Variants in ADGRL3 observed in about 807,000 individuals in gnomAD.
ADGRL3 encodes adhesion G protein-coupled receptor L3, also known as calcium-independent alpha-latrotoxin receptor 3.
ADGRL3 carries 62 observed loss-of-function variants against 153.5 expected under a neutral mutation model. That is an observed-to-expected ratio of 0.40 (90% CI 0.33 to 0.50). ADGRL3 has a LOEUF of 0.50. Among genes scored for constraint, ADGRL3 ranks in the 20% least tolerant of loss-of-function variants. The probability of loss-of-function intolerance (pLI) is 0.47; values close to 1 mark genes in which losing one functional copy is unlikely to be tolerated. For missense variants in ADGRL3, 1,641 were observed against 1,859.4 expected, an observed-to-expected ratio of 0.88 and a Z score of 2.16; for synonymous variants, 710 against 672.5, an observed-to-expected ratio of 1.06 and a Z score of -0.86.
intron 6 of ADGRL3, among the ~76,000 whole-genome samples, chr4:61,699,209 T>C (rs915196269): frequency 3.3e-5 from 5 of 152,112 alleles, no homozygotes; most frequent in Admixed American, 6.6e-5. Flanking sequence ...AAAAGTGATT[T>C]TGAGAGTGCA....
At chr4:61,532,535 C>A (rs1178976339) in intron 4 of ADGRL3, among the ~76,000 whole-genome samples, 1 of 127,354 alleles carries the variant, frequency 7.9e-6, no homozygotes, top group African/African-American at 3.4e-5. Flanking sequence ...GCTGCATGCG[C>A]GCGCGCGCGC....
At chr4:61,788,085 C>G (rs1282597139) in intron 8 of ADGRL3, among the ~76,000 whole-genome samples, 1 of 152,104 alleles carries the variant, frequency 6.6e-6, no homozygotes, top group East Asian at 1.9e-4. Context: ...GGGAATTGTG[C>G]TGCTATAACC....
intron 21 of ADGRL3, among the ~76,000 whole-genome samples, chr4:62,010,871 T>A (rs557423052): frequency 1.2e-3 from 190 of 152,266 alleles, no homozygotes; most frequent in African/African-American, 4.4e-3. Context: ...TTAACTTTTT[T>A]ATTCACTTTT....
At chr4:61,350,808 C>CCGGCTGTT in intron 1 of ADGRL3, among the ~76,000 whole-genome samples, 1 of 152,094 alleles carries the variant, frequency 6.6e-6, no homozygotes. Context: ...GCTCCTTGAG[C>CCGGCTGTT]CGGCTGTTTT....
chr4:61,399,138 A>C (rs1348343544), intron 2 of ADGRL3, among the ~76,000 whole-genome samples: 1 of 151,766 alleles, frequency 6.6e-6, no homozygotes, highest in Non-Finnish European at 1.5e-5. Flanking sequence ...ATCAGACGTT[A>C]CTAAAATTAT....
rs867158951 is a variant in ADGRL3, at chr4:61,644,857, G to A, written c.474-31969G>A. ...GGTATCCTTGTTGACTTTCTGTCTC[G>A]TTGATCTGTCTAATGTTGACAGTGG... On this transcript the variant is annotated intron_variant, in intron 5 of 26. Transcript: ENST00000683033. Among the ~76,000 whole-genome samples, 9 of 151,966 alleles carry A rather than the reference G, an allele frequency of 5.9e-5. No individual in the cohort carries two copies. In the South Asian group the frequency reaches 1.0e-3, roughly 18 times the overall value.
At chr4:61,634,710 T>TA (rs1377255901) in intron 5 of ADGRL3, among the ~76,000 whole-genome samples, 1 of 152,146 alleles carries the variant, frequency 6.6e-6, no homozygotes, top group Admixed American at 6.5e-5. Context: ...TAGAAAGTTA[T>TA]AAAAAGTGAA....
intron 1 of ADGRL3, among the ~76,000 whole-genome samples, chr4:61,329,327 G>A (rs1326004495): frequency 6.6e-6 from 1 of 152,046 alleles, no homozygotes. Flanking sequence ...ATTATTTCTT[G>A]TACTTACTCT....
At chr4:61,792,212 G>C (rs929682280) in intron 8 of ADGRL3, among the ~76,000 whole-genome samples, 1 of 126,876 alleles carries the variant, frequency 7.9e-6, no homozygotes, top group African/African-American at 3.0e-5. Flanking sequence ...TTTAATGCTT[G>C]GTTGCTTAGA....
intron 19 of ADGRL3, 100 bp downstream of exon 19, chr4:61,983,703 T>C (rs1301126449): frequency 9.7e-7 from 1 of 1,030,654 alleles, no homozygotes; most frequent in Non-Finnish European, 1.4e-6. Context: ...GTGAAGAAAC[T>C]GGGCAGCAAA....
chr4:61,849,901 T>A (rs1648168683), intron 9 of ADGRL3, among the ~76,000 whole-genome samples: 2 of 152,144 alleles, frequency 1.3e-5, no homozygotes, highest in Non-Finnish European at 2.9e-5. Flanking sequence ...ACACATTACA[T>A]GTAAACAGAA....
intron 25 of ADGRL3, among the ~76,000 whole-genome samples, chr4:62,050,154 G>T (rs755068880): frequency 1.3e-5 from 2 of 151,740 alleles, no homozygotes; most frequent in African/African-American, 4.8e-5. Flanking sequence ...CTACCCTGGA[G>T]GCTAACAAAA....
At chr4:61,509,391 G>A (rs2098450361) in intron 3 of ADGRL3, among the ~76,000 whole-genome samples, 1 of 152,092 alleles carries the variant, frequency 6.6e-6, no homozygotes, top group Admixed American at 6.5e-5. Context: ...GCCTCCCAAA[G>A]TGCTGGGATT....
At chr4:61,990,070 G>T (rs928755663) in intron 19 of ADGRL3, among the ~76,000 whole-genome samples, 8 of 151,778 alleles carry the variant, frequency 5.3e-5, no homozygotes, top group African/African-American at 1.5e-4. Flanking sequence ...AAAAACTAAG[G>T]TCCATGTTAA....
chr4:61,291,587 TATATATATATATATATACAC>T (rs2094207055), intron 1 of ADGRL3, among the ~76,000 whole-genome samples: 5 of 11,790 alleles, frequency 4.2e-4, no homozygotes, highest in Non-Finnish European at 6.3e-4. Flanking sequence ...TATATACATA[TATATATATATATATATACAC>T]ACACATATAT....
At chr4:61,652,461 TTATG>T (rs1233714870) in intron 5 of ADGRL3, among the ~76,000 whole-genome samples, 1 of 152,148 alleles carries the variant, frequency 6.6e-6, no homozygotes, top group Admixed American at 6.5e-5. Flanking sequence ...TCAACACACT[TTATG>T]TGTTTATTGC....
chr4:61,985,779 G>A (rs1295884759), intron 19 of ADGRL3, among the ~76,000 whole-genome samples: 1 of 151,936 alleles, frequency 6.6e-6, no homozygotes, highest in African/African-American at 2.4e-5. Context: ...ATAGTGACAG[G>A]CTATATAAAA....
At chr4:61,295,119 C>A (rs2094362629) in intron 1 of ADGRL3, among the ~76,000 whole-genome samples, 1 of 152,144 alleles carries the variant, frequency 6.6e-6, no homozygotes, top group African/African-American at 2.4e-5. Context: ...AGACATTAAT[C>A]ATTCCTTTGT....
intron 1 of ADGRL3, among the ~76,000 whole-genome samples, chr4:61,261,119 C>CTCT (rs2092473076): frequency 6.6e-6 from 1 of 151,846 alleles, no homozygotes; most frequent in Non-Finnish European, 1.5e-5. Flanking sequence ...CCACTTCAGC[C>CTCT]TCTTGAGTAG....
Sources: gnomAD v4.1 joint callset for allele counts (sites outside exome capture counted in the v4.1 genomes callset) on GRCh38, gnomAD v4.1.1 for gene constraint, MANE v1.5 for transcripts, NCBI Gene and HGNC (gene_info 2026-07-23, HGNC 2026-07-21) for gene names.